WNK2: variants seen among roughly 807,000 people sequenced by gnomAD.
The protein encoded by WNK2 is WNK lysine deficient protein kinase 2.
A neutral mutation model predicts 192.1 loss-of-function variants in WNK2; 67 were observed. The ratio of observed to expected loss-of-function variants is 0.35; its 90% confidence interval spans 0.29 to 0.43. The LOEUF is 0.43. WNK2 is among the 20% of genes least tolerant of loss of function. The pLI, the probability that WNK2 is intolerant of heterozygous loss-of-function variation, is 1.00. For synonymous variants in WNK2, 1,439 were observed against 1,393.9 expected, an observed-to-expected ratio of 1.03 and a Z score of -0.72; for missense variants, 2,698 against 3,089.7, an observed-to-expected ratio of 0.87 and a Z score of 3.01.
intron 16 of WNK2, among the ~76,000 whole-genome samples, chr9:93,266,542 A>G (rs371802594): frequency 2.0e-5 from 3 of 152,366 alleles, no homozygotes; most frequent in African/African-American, 7.2e-5. Flanking sequence ...ACGTTGCTTA[A>G]ATTCTCGTAT....
Position 93,308,360 on chromosome 9 carries a change from G to C in WNK2, c.6292G>C (p.Glu2098Gln). 1.9e-6 allele frequency: 3 copies of C among 1,557,042 alleles called. No homozygotes were observed. Among genetic ancestry groups the C allele is most frequent in the Non-Finnish European group, 2.6e-6 (3 of 1,150,602 alleles). ...CACCAGCAGCCTGGCCCCAGGCCCT[G>C]AGCCAGGCCCCCAGCCCGCCCTGCA... ...SSTSSLAPGP[E>Q]PGPQPALHVQ... Residue 2098 changes from glutamate (E) to glutamine (Q), a missense_variant, in exon 28 of 30, where the codon GAG becomes CAG. Glu to Gln is a conservative substitution (Grantham distance 29, BLOSUM62 2). Coordinates refer to ENST00000427277, the MANE Select transcript of WNK2 (RefSeq NM_006648.4).
rs148322987 is a variant in WNK2 at position 93,275,452 on chromosome 9, C to G, written c.4033+6706C>G. 3.8e-3 allele frequency among the ~76,000 whole-genome samples: 579 copies of G among 152,128 alleles called. 3 individuals carry two copies. Among genetic ancestry groups the G allele is most frequent in the African/African-American group, 0.013 (558 of 41,512 alleles). On this transcript the variant is annotated intron_variant, in intron 19 of 29. Transcript: ENST00000427277. ...AGGAAAATAAGGGTACTTCTTCAGT[C>G]TGATTAATTTAAAACACACATACAT...
At position 93,263,420 on chromosome 9, in the gene WNK2, G is replaced by A. The variant is rs559389510; in HGVS notation, c.3411-146G>A. The A allele has an allele frequency of 1.6e-5, 14 of 897,228 alleles. No homozygotes were observed. The Middle Eastern group carries it at 9.5e-4, about 61-fold the overall frequency. 55.6% of individuals were successfully genotyped at this position (897,228 alleles called of 1,614,324 possible). ...GGTGAGGGCCCAGAAGCAGGCTTGG[G>A]GTATTCGCACAGGACGGGCTGCCTC... On this transcript the variant is annotated intron_variant, in intron 14 of 29. Transcript: ENST00000427277.
chr9:93,246,279 CCTT>C (rs1224597614), intron 7 of WNK2, among the ~76,000 whole-genome samples: 1 of 152,328 alleles, frequency 6.6e-6, no homozygotes, highest in East Asian at 1.9e-4. Flanking sequence ...CTCATCCTGT[CCTT>C]CTCCTGCCCA....
chr9:93,309,309 A>G (rs1853214652), intron 28 of WNK2: 1 of 179,970 alleles, frequency 5.6e-6, no homozygotes, highest in African/African-American at 2.4e-5. Flanking sequence ...AGGACCCACT[A>G]CGTACACTCT....
chr9:93,317,295 T>C, intron 28 of WNK2: 1 of 599,338 alleles, frequency 1.7e-6, no homozygotes, highest in Non-Finnish European at 3.0e-6. Context: ...GTGTGTGGCC[T>C]AGAGGCTATC....
At chr9:93,186,326 G>A (rs1044443768) in intron 2 of WNK2, among the ~76,000 whole-genome samples, 1 of 152,210 alleles carries the variant, frequency 6.6e-6, no homozygotes, top group Non-Finnish European at 1.5e-5. Context: ...TGGCTGCAGA[G>A]GCTCTGGGCA....
intron 7 of WNK2, among the ~76,000 whole-genome samples, chr9:93,241,154 GACA>G (rs1840694816): frequency 6.6e-6 from 1 of 152,260 alleles, no homozygotes; most frequent in Non-Finnish European, 1.5e-5. Context: ...AGGGCCTAGA[GACA>G]GACAGAGACG....
At chr9:93,254,273 G>A (rs1402093258) in intron 9 of WNK2, among the ~76,000 whole-genome samples, 1 of 152,196 alleles carries the variant, frequency 6.6e-6, no homozygotes, top group Non-Finnish European at 1.5e-5. Context: ...GGAAACCCAA[G>A]CAAGGACATC....
intron 23 of WNK2, among the ~76,000 whole-genome samples, chr9:93,295,995 T>C: frequency 1.7e-5 from 2 of 114,342 alleles, no homozygotes; most frequent in Admixed American, 8.9e-5. Flanking sequence ...CCCTTCACCT[T>C]CCTTCCCTCT....
chr9:93,253,075 C>T lies in WNK2; in HGVS notation c.2027C>T (p.Thr676Met), dbSNP rs200647566. ...LPSLGAYQQP[T>M]AAPGLPVGSV... Reference sequence around the variant, plus strand: ...TCGCTGGGGGCCTACCAGCAGCCCACGGCTGCAGTGAGTCAGAGCATCACT... The same window carrying T: ...TCGCTGGGGGCCTACCAGCAGCCCATGGCTGCAGTGAGTCAGAGCATCACT... Residue 676 changes from threonine (T) to methionine (M), a missense_variant, in exon 9 of 30, where the codon ACG (threonine) becomes ATG (methionine). Thr to Met is a moderately conservative substitution (Grantham distance 81). This residue lies in a region of WNK2 where 893 missense variants were observed against 909.0 expected (regional missense o/e 0.98). Coordinates refer to ENST00000427277, the MANE Select transcript of WNK2 (RefSeq NM_006648.4). 4.5e-4 allele frequency: 659 copies of T among 1,466,274 alleles called. No individual in the cohort carries two copies. Among genetic ancestry groups the T allele is most frequent in the East Asian group, 5.3e-4 (20 of 37,428 alleles). 90.8% of individuals were successfully genotyped at this position (1,466,274 alleles called of 1,614,324 possible).
intron 2 of WNK2, among the ~76,000 whole-genome samples, chr9:93,203,141 GGTC>G (rs1365033052): frequency 1.3e-5 from 2 of 152,182 alleles, no homozygotes; most frequent in East Asian, 3.9e-4. Context: ...GCGCTGGGAA[GGTC>G]CTTCCTGGGG....
intron 21 of WNK2, among the ~76,000 whole-genome samples, chr9:93,290,723 G>A (rs1418875830): frequency 6.6e-6 from 1 of 152,252 alleles, no homozygotes; most frequent in Non-Finnish European, 1.5e-5. Context: ...GGTGGGGGGG[G>A]CGCTGTGACT....
chr9:93,256,288 G>A lies in WNK2; in HGVS notation c.2035-11G>A, dbSNP rs1843273441. Reference sequence around the variant, plus strand: ...AGCTGCTGCTGAGTGTGGCCCTGGTGCTCTCTGCAGCCTGGCTTGCCGGTG... The same window carrying A: ...AGCTGCTGCTGAGTGTGGCCCTGGTACTCTCTGCAGCCTGGCTTGCCGGTG... On this transcript the variant is annotated splice_polypyrimidine_tract_variant and intron_variant, in intron 9 of 29. Transcript: ENST00000427277. 1.3e-6 allele frequency: 2 copies of A among 1,535,826 alleles called. No homozygotes were observed. The highest frequency in any genetic ancestry group is 2.0e-4 in the Middle Eastern group (1 of 5,050).
Position 93,262,089 on chromosome 9 carries a change from G to A in WNK2, c.3342G>A (p.Thr1114=), listed in dbSNP as rs55705104. The A allele has an allele frequency of 3.5e-3, 5,573 of 1,601,036 alleles. 103 individuals carry two copies. The East Asian group carries it at 0.041, about 12-fold the overall frequency. The change falls in exon 13 of 30, where the codon ACG becomes ACA. Residue 1114 remains threonine, a synonymous_variant. Transcript: ENST00000427277. ...GCCCTTGCCCAACTGTCCAGCTGAC[G>A]GTGGAACCAGTCCAAGAGGTGTGTG... The part of the protein sequence containing the change: ...IASPCPTVQL[T]VEPVQEEQAS...
chr9:93,248,546 A>G (rs1203282796), intron 8 of WNK2, among the ~76,000 whole-genome samples: 2 of 152,248 alleles, frequency 1.3e-5, no homozygotes, highest in Non-Finnish European at 2.9e-5. Flanking sequence ...CATCTGTCCT[A>G]GGAACAGAGT....
intron 8 of WNK2, among the ~76,000 whole-genome samples, chr9:93,252,129 C>T (rs137908070): frequency 1.1e-4 from 17 of 152,306 alleles, no homozygotes; most frequent in African/African-American, 4.1e-4. Context: ...GACAGGTTTT[C>T]GTTTTCCCCT....
intron 5 of WNK2, among the ~76,000 whole-genome samples, chr9:93,237,493 T>G (rs1588102499): frequency 6.6e-6 from 1 of 152,340 alleles, no homozygotes; most frequent in East Asian, 1.9e-4. Context: ...CGAGTTCTAT[T>G]TGGTTCTGTT....
intron 2 of WNK2, among the ~76,000 whole-genome samples, chr9:93,228,114 A>G (rs995950916): frequency 6.6e-6 from 1 of 152,116 alleles, no homozygotes; most frequent in Admixed American, 6.5e-5. Context: ...CCATCATGAC[A>G]ATGGCTTCTC....
Sources: gnomAD v4.1 joint callset for allele counts (sites outside exome capture counted in the v4.1 genomes callset) on GRCh38, gnomAD v4.1.1 for gene constraint, gnomAD v4.1.1 regional missense constraint, MANE v1.5 for transcripts, NCBI Gene and HGNC (gene_info 2026-07-23, HGNC 2026-07-21) for gene names.